KCNN3: variants seen among roughly 807,000 people sequenced by gnomAD.
KCNN3 encodes small conductance calcium-activated potassium channel protein 3.
A neutral mutation model predicts 62.9 loss-of-function variants in KCNN3; 16 were observed. That is an observed-to-expected ratio of 0.25 (90% confidence interval 0.17 to 0.39). The LOEUF is 0.39. Among genes scored for constraint, KCNN3 ranks in the 10% least tolerant of loss-of-function variants. KCNN3 has a pLI of 1.00. For synonymous variants in KCNN3, 370 were observed against 389.2 expected, an observed-to-expected ratio of 0.95 and a Z score of 0.58; for missense variants, 599 against 949.4, an observed-to-expected ratio of 0.63 and a Z score of 4.85.
At chr1:154,805,094 CCT>C (rs1383875386) in intron 2 of KCNN3, among the ~76,000 whole-genome samples, 1 of 152,174 alleles carries the variant, frequency 6.6e-6, no homozygotes, top group African/African-American at 2.4e-5. Flanking sequence ...ATGGGAGGGT[CCT>C]CTCTACACAT....
chr1:154,802,816 G>A (rs895355492), intron 2 of KCNN3, among the ~76,000 whole-genome samples: 1 of 152,206 alleles, frequency 6.6e-6, no homozygotes, highest in African/African-American at 2.4e-5. Context: ...CATCCAAGAG[G>A]CAGACCCACA....
At position 154,704,063 on chromosome 1, in the gene KCNN3, G is replaced by C. The variant is rs1169673088; in HGVS notation, c.*3913C>G. 1.3e-5 allele frequency: 2 copies of C among 152,124 alleles called. No homozygotes were observed. Among genetic ancestry groups the C allele is most frequent in the Non-Finnish European group, 2.9e-5 (2 of 68,024 alleles). 9.4% of individuals were successfully genotyped at this position (152,124 alleles called of 1,614,324 possible). The stretch of plus-strand genomic sequence containing the variant: ...ACAAGGAAATTATAAAAATTTAAGG[G>C]GGAAATCCCCCACTATATTAAAATC... On this transcript the variant is annotated 3_prime_UTR_variant, in exon 8 of 8. Coordinates refer to ENST00000271915, the MANE Select transcript of KCNN3 (RefSeq NM_002249.6).
chr1:154,861,897 C>A (rs1652785528), intron 1 of KCNN3, among the ~76,000 whole-genome samples: 1 of 152,152 alleles, frequency 6.6e-6, no homozygotes, highest in African/African-American at 2.4e-5. Context: ...AGGGACTCGA[C>A]AAAGATCACA....
rs747052272 is a variant in KCNN3, at chr1:154,869,371, G to A, written c.594C>T (p.Leu198=). ...GTTGGCCCTCAGTCTCGGCCTCGAT[G>A]AGGTTCCTCCGGGAGGCGCTGAGGC... The part of the protein sequence containing the change: ...LSRLSASRRN[L]IEAETEGQPL... Residue 198 remains leucine, a synonymous_variant, in exon 1 of 8, where the codon CTC becomes CTT. Transcript: ENST00000271915. The surrounding 1 kb of genome is among the most constrained non-coding windows in gnomAD (Gnocchi z 6.1). 2.4e-5 allele frequency: 38 copies of A among 1,614,020 alleles called. No individual in the cohort carries two copies. The Admixed American group carries it at 5.7e-4, about 24-fold the overall frequency.
chr1:154,797,895 T>A (rs1279972451), intron 2 of KCNN3, among the ~76,000 whole-genome samples: 1 of 152,170 alleles, frequency 6.6e-6, no homozygotes, highest in African/African-American at 2.4e-5. Context: ...GGCCTCAGTT[T>A]CCTCATCTGT....
chr1:154,861,562 G>A (rs1652773953), intron 1 of KCNN3, among the ~76,000 whole-genome samples: 1 of 152,016 alleles, frequency 6.6e-6, no homozygotes, highest in Non-Finnish European at 1.5e-5. Flanking sequence ...ACTCAGAATT[G>A]AGCCCCTGCC....
intron 5 of KCNN3, among the ~76,000 whole-genome samples, chr1:154,717,243 C>A (rs1700251149): frequency 2.6e-5 from 4 of 152,116 alleles, no homozygotes; most frequent in Admixed American, 2.6e-4. Flanking sequence ...ATGAAGAAAC[C>A]AAGACACAGA....
intron 2 of KCNN3, among the ~76,000 whole-genome samples, chr1:154,817,002 C>A (rs577338487): frequency 1.3e-5 from 2 of 152,328 alleles, no homozygotes; most frequent in African/African-American, 4.8e-5. Context: ...CCTTTGTTTA[C>A]TCTGAGACCT....
In KCNN3 at chr1:154,708,160, T is replaced by G. The variant is rs201738401; in HGVS notation, c.2012A>C (p.Asn671Thr). Reference protein sequence around the residue: ...SKLEHLTASFNSLPLLIADTL... With the variant: ...SKLEHLTASFTSLPLLIADTL... Reference sequence around the variant, plus strand: ...GTCGGCGATGAGCAGCGGCAGGGAGTTGAAGCTGGCGGTGAGATGCTCCAG... The same window carrying G: ...GTCGGCGATGAGCAGCGGCAGGGAGGTGAAGCTGGCGGTGAGATGCTCCAG... Residue 671 changes from asparagine (N) to threonine (T), a missense_variant, in exon 8 of 8, where the codon AAC becomes ACC. Transcript: ENST00000271915. 4.6e-4 allele frequency: 748 copies of G among 1,613,378 alleles called. 1 individual carries two copies. Among genetic ancestry groups the G allele is most frequent in the Non-Finnish European group, 1.8e-4 (210 of 1,179,862 alleles).
chr1:154,707,847 A>T lies in KCNN3; in HGVS notation c.*129T>A. ...CAAGCACGCTGAATGAACATGAGTT[A>T]GTTAATTAGCTCGGTCTCTCTTCTT... On this transcript the variant is annotated 3_prime_UTR_variant, in exon 8 of 8. Transcript: ENST00000271915. The T allele has an allele frequency of 9.8e-7, 1 of 1,023,148 alleles. No homozygotes were observed. Among genetic ancestry groups the T allele is most frequent in the Non-Finnish European group, 1.5e-6 (1 of 687,654 alleles). The allele number at this position is 1,023,148 out of a possible 1,614,324, so 63.4% of individuals were successfully genotyped here. A position where few individuals can be genotyped will look rare whatever the true frequency, so the allele number is the denominator to read the frequency against.
At chr1:154,794,857 G>C (rs1418918804) in intron 2 of KCNN3, among the ~76,000 whole-genome samples, 1 of 152,168 alleles carries the variant, frequency 6.6e-6, no homozygotes, top group Non-Finnish European at 1.5e-5. Context: ...CCAGTAGCGA[G>C]CCTGTCACAC....
intron 7 of KCNN3, among the ~76,000 whole-genome samples, chr1:154,711,063 A>G (rs1250114786): frequency 6.6e-6 from 1 of 152,150 alleles, no homozygotes; most frequent in Non-Finnish European, 1.5e-5. Context: ...TTGTGGCACT[A>G]TTCACAATAG....
At chr1:154,785,457 AC>A (rs1216186682) in intron 2 of KCNN3, among the ~76,000 whole-genome samples, 1 of 151,050 alleles carries the variant, frequency 6.6e-6, no homozygotes, top group Non-Finnish European at 1.5e-5. Context: ...CTGCACTGTC[AC>A]CCCTTCAGGG....
intron 1 of KCNN3, among the ~76,000 whole-genome samples, chr1:154,830,397 T>C (rs1375929753): frequency 6.6e-6 from 1 of 152,156 alleles, no homozygotes; most frequent in Non-Finnish European, 1.5e-5. Flanking sequence ...AGGATGGCAA[T>C]TGCCAGAACA....
chr1:154,804,654 G>A (rs563081891), intron 2 of KCNN3, among the ~76,000 whole-genome samples: 1 of 152,082 alleles, frequency 6.6e-6, no homozygotes. Flanking sequence ...CACAGATCTC[G>A]GTGAAGACAA....
chr1:154,829,300 C>A (rs1397002262), intron 1 of KCNN3, among the ~76,000 whole-genome samples: 1 of 152,204 alleles, frequency 6.6e-6, no homozygotes, highest in African/African-American at 2.4e-5. Context: ...GGTTCCTTTG[C>A]GCTCGAGTGA....
At chr1:154,714,059 T>C (rs1700137100) in intron 6 of KCNN3, among the ~76,000 whole-genome samples, 1 of 12,624 alleles carries the variant, frequency 7.9e-5, no homozygotes. Context: ...GGGGTGTGTG[T>C]GTGTGTGGTG....
intron 3 of KCNN3, among the ~76,000 whole-genome samples, chr1:154,740,723 G>C (rs772334431): frequency 1.3e-5 from 2 of 152,152 alleles, no homozygotes; most frequent in African/African-American, 4.8e-5. Flanking sequence ...TTGACTTTAC[G>C]TTTCCATGAT....
At chr1:154,727,312 T>C (rs114543816) in intron 4 of KCNN3, among the ~76,000 whole-genome samples, 3 of 152,358 alleles carry the variant, frequency 2.0e-5, no homozygotes, top group Admixed American at 6.5e-5. Flanking sequence ...AATCTGTCAG[T>C]AACATTTTTG....
Sources: gnomAD v4.1 joint callset for allele counts (sites outside exome capture counted in the v4.1 genomes callset) on GRCh38, gnomAD v4.1.1 for gene constraint, Gnocchi (gnomAD v3.1) non-coding constraint, MANE v1.5 for transcripts, NCBI Gene and HGNC (gene_info 2026-07-23, HGNC 2026-07-21) for gene names.